SNTG1: variants seen among roughly 807,000 people sequenced by gnomAD.
SNTG1 encodes syntrophin gamma 1.
Under a neutral mutation model 74.7 loss-of-function variants are expected in SNTG1, and 39 were observed. The observed-to-expected ratio is 0.52, with a 90% CI of 0.40 to 0.68. SNTG1 has a LOEUF of 0.68. SNTG1 is among the 30% of genes least tolerant of loss of function. The pLI, the probability that SNTG1 is intolerant of heterozygous loss-of-function variation, is 0.00. For synonymous variants in SNTG1, 254 were observed against 217.1 expected (o/e 1.17, Z -1.49); for missense variants, 685 against 609.5 (o/e 1.12, Z -1.30).
At chr8:50,666,385 A>G (rs533003867) in intron 15 of SNTG1, among the ~76,000 whole-genome samples, 1 of 152,226 alleles carries the variant, frequency 6.6e-6, no homozygotes, top group South Asian at 2.1e-4. Context: ...ACTAGACCAC[A>G]TCAGAGTCCT....
intron 2 of SNTG1, among the ~76,000 whole-genome samples, chr8:50,387,055 T>G (rs2092586274): frequency 6.6e-6 from 1 of 152,160 alleles, no homozygotes. Context: ...GTAGGCTTCC[T>G]GTCTATTTTG....
At chr8:49,987,626 T>C (rs1303096938) in intron 1 of SNTG1, among the ~76,000 whole-genome samples, 1 of 150,388 alleles carries the variant, frequency 6.6e-6, no homozygotes, top group Non-Finnish European at 1.5e-5. Context: ...TAATTGTGGA[T>C]TTTTTCCTTT....
At chr8:50,246,479 T>C (rs556151259) in intron 2 of SNTG1, among the ~76,000 whole-genome samples, 2 of 147,700 alleles carry the variant, frequency 1.4e-5, no homozygotes, top group Admixed American at 1.4e-4. Flanking sequence ...TTAACATTAC[T>C]AAGTGAAGAA....
At chr8:50,458,338 A>C (rs189083026) in intron 8 of SNTG1, among the ~76,000 whole-genome samples, 2 of 152,322 alleles carry the variant, frequency 1.3e-5, no homozygotes, top group Admixed American at 1.3e-4. Context: ...GAACATGCAG[A>C]AAAAGAAGAG....
At chr8:50,036,093 T>A (rs538516746) in intron 1 of SNTG1, among the ~76,000 whole-genome samples, 1 of 152,246 alleles carries the variant, frequency 6.6e-6, no homozygotes, top group South Asian at 2.1e-4. Flanking sequence ...TCGAAATTGG[T>A]GTAAAATGTG....
chr8:50,557,829 T>G (rs1011804572), intron 12 of SNTG1, among the ~76,000 whole-genome samples: 1 of 152,242 alleles, frequency 6.6e-6, no homozygotes, highest in Non-Finnish European at 1.5e-5. Context: ...TAGACAGTTC[T>G]GTCTGATTTT....
chr8:50,203,968 C>T (rs1390607384), intron 2 of SNTG1, among the ~76,000 whole-genome samples: 2 of 152,000 alleles, frequency 1.3e-5, no homozygotes, highest in Non-Finnish European at 2.9e-5. Context: ...CTGTAAAGGG[C>T]AACTCTGCTT....
chr8:50,471,312 A>C (rs2093652771), intron 8 of SNTG1, among the ~76,000 whole-genome samples: 1 of 151,104 alleles, frequency 6.6e-6, no homozygotes, highest in Non-Finnish European at 1.5e-5. Context: ...CTTCAATTTT[A>C]TGAGCTAATA....
At chr8:50,473,349 G>A (rs1030071036) in intron 8 of SNTG1, among the ~76,000 whole-genome samples, 7 of 152,066 alleles carry the variant, frequency 4.6e-5, no homozygotes, top group Non-Finnish European at 8.8e-5. Context: ...TGCACTGTGA[G>A]TCAATTAAAC....
intron 13 of SNTG1, among the ~76,000 whole-genome samples, chr8:50,610,788 G>A (rs1165369857): frequency 6.6e-6 from 1 of 152,074 alleles, no homozygotes; most frequent in African/African-American, 2.4e-5. Context: ...AACTCCTACT[G>A]TTCTTACCCA....
chr8:49,974,861 G>T (rs1235750026), intron 1 of SNTG1, among the ~76,000 whole-genome samples: 1 of 152,124 alleles, frequency 6.6e-6, no homozygotes, highest in African/African-American at 2.4e-5. Flanking sequence ...AATCTTGTGG[G>T]TAATTGGTTT....
chr8:49,967,138 C>T (rs1585695588), intron 1 of SNTG1, among the ~76,000 whole-genome samples: 1 of 152,136 alleles, frequency 6.6e-6, no homozygotes, highest in Non-Finnish European at 1.5e-5. Flanking sequence ...AACAGTCCTT[C>T]GAAGCTGGGC....
chr8:50,464,530 C>A (rs1468323847), intron 8 of SNTG1, among the ~76,000 whole-genome samples: 1 of 152,034 alleles, frequency 6.6e-6, no homozygotes, highest in Non-Finnish European at 1.5e-5. Flanking sequence ...GTAGAACAGT[C>A]AGAACACACA....
chr8:50,166,786 G>T (rs1306487918), intron 1 of SNTG1, among the ~76,000 whole-genome samples: 5 of 145,012 alleles, frequency 3.4e-5, no homozygotes, highest in South Asian at 2.3e-4. Context: ...ATACCCAAAG[G>T]ACTATAAATC....
intron 1 of SNTG1, among the ~76,000 whole-genome samples, chr8:49,915,386 T>C (rs747002574): frequency 6.6e-6 from 1 of 152,166 alleles, no homozygotes; most frequent in South Asian, 2.1e-4. Context: ...AATTACTAAA[T>C]AACAGGCACA....
chr8:50,365,945 C>G (rs2092096779), intron 2 of SNTG1, among the ~76,000 whole-genome samples: 1 of 152,078 alleles, frequency 6.6e-6, no homozygotes, highest in African/African-American at 2.4e-5. Context: ...GACATAAAAG[C>G]AATTTTCTAA....
intron 18 of SNTG1, among the ~76,000 whole-genome samples, chr8:50,763,893 ACACACAC>A (rs2095606457): frequency 8.5e-6 from 1 of 117,222 alleles, no homozygotes. Context: ...ACACACACAC[ACACACAC>A]ACACACAAAA....
intron 18 of SNTG1, among the ~76,000 whole-genome samples, chr8:50,787,056 G>T (rs1024840976): frequency 2.0e-5 from 3 of 151,932 alleles, no homozygotes. Context: ...ACAACTTGCA[G>T]ATTGGCAGAA....
chr8:50,466,414 T>C (rs549451002), intron 8 of SNTG1, among the ~76,000 whole-genome samples: 1 of 152,130 alleles, frequency 6.6e-6, no homozygotes, highest in South Asian at 2.1e-4. Context: ...TGTATTCTTT[T>C]GCCAACACCA....
Sources: allele counts gnomAD v4.1 joint callset (sites outside exome capture counted in the v4.1 genomes callset), GRCh38; gene constraint gnomAD v4.1.1; transcripts MANE v1.5; gene names NCBI Gene and HGNC (gene_info 2026-07-23, HGNC 2026-07-21).